The following CADM2 variants were observed in gnomAD, a reference collection of about 807,000 sequenced individuals.
CADM2 encodes the protein immunoglobulin superfamily member 4D.
CADM2 carries 12 observed loss-of-function variants against 49.8 expected under a neutral mutation model. The observed-to-expected ratio is 0.24, with a 90% CI of 0.15 to 0.39. CADM2 has a LOEUF of 0.39. Among genes scored for constraint, CADM2 ranks in the 10% least tolerant of loss-of-function variants. The pLI is 1.00. For synonymous variants in CADM2, 214 were observed against 175.4 expected (o/e 1.22, Z -1.74); for missense variants, 378 against 492.3 (o/e 0.77, Z 2.20).
intron 8 of CADM2, among the ~76,000 whole-genome samples, chr3:86,058,208 A>G (rs1370950362): frequency 6.6e-6 from 1 of 152,198 alleles, no homozygotes; most frequent in East Asian, 1.9e-4. Context: ...AATCTTTCAA[A>G]TAGACACTTA....
intron 8 of CADM2, among the ~76,000 whole-genome samples, chr3:85,962,142 C>T (rs1227165350): frequency 2.6e-5 from 4 of 151,892 alleles, no homozygotes; most frequent in Non-Finnish European, 5.9e-5. Flanking sequence ...TTACCTCGAA[C>T]TCCTGGCTTC....
intron 1 of CADM2, among the ~76,000 whole-genome samples, chr3:85,269,983 G>A (rs560047349): frequency 2.6e-4 from 40 of 151,212 alleles, no homozygotes; most frequent in African/African-American, 8.2e-4. Flanking sequence ...TATATCATGA[G>A]ACACTTAGGT....
chr3:85,524,250 C>A (rs914097034), intron 1 of CADM2, among the ~76,000 whole-genome samples: 1 of 151,908 alleles, frequency 6.6e-6, no homozygotes, highest in African/African-American at 2.4e-5. Flanking sequence ...CTTTATTATT[C>A]TATTTTTTGT....
intron 1 of CADM2, among the ~76,000 whole-genome samples, chr3:85,647,340 T>C (rs1055242609): frequency 2.0e-5 from 3 of 151,706 alleles, no homozygotes; most frequent in African/African-American, 7.2e-5. Flanking sequence ...TAGCTTAAGT[T>C]TTTAATTGTA....
intron 1 of CADM2, among the ~76,000 whole-genome samples, chr3:85,165,360 A>T (rs1316230874): frequency 1.3e-5 from 2 of 151,914 alleles, no homozygotes; most frequent in Non-Finnish European, 2.9e-5. Context: ...GTAATACTTA[A>T]ATTAATGGTC....
chr3:85,732,271 GAAAA>G (rs955439120), intron 2 of CADM2, among the ~76,000 whole-genome samples: 1 of 150,824 alleles, frequency 6.6e-6, no homozygotes, highest in East Asian at 1.9e-4. Context: ...AAAAAAAAAA[GAAAA>G]AAAGTGTAAG....
At chr3:85,705,959 G>C (rs1014549076) in intron 1 of CADM2, among the ~76,000 whole-genome samples, 1 of 152,096 alleles carries the variant, frequency 6.6e-6, no homozygotes, top group African/African-American at 2.4e-5. Context: ...AAATGTGTCT[G>C]TGAAATAGGT....
At chr3:85,977,784 A>C (rs998688915) in intron 8 of CADM2, among the ~76,000 whole-genome samples, 4 of 151,550 alleles carry the variant, frequency 2.6e-5, no homozygotes, top group African/African-American at 7.3e-5. Context: ...AGTTTTAAGA[A>C]GGTTGTTTTC....
intron 1 of CADM2, 127 bp downstream of exon 1, chr3:84,959,795 A>C (rs1411943160): frequency 9.6e-6 from 8 of 837,498 alleles, no homozygotes; most frequent in African/African-American, 3.6e-5. Context: ...CCCTCCCCCT[A>C]CTCTCTGGTG....
intron 1 of CADM2, among the ~76,000 whole-genome samples, chr3:85,377,069 T>TTAA (rs2033634331): frequency 6.6e-6 from 1 of 152,176 alleles, no homozygotes; most frequent in African/African-American, 2.4e-5. Flanking sequence ...CTTATTTTGT[T>TTAA]TCTTTTCTTT....
At chr3:85,326,945 CA>C (rs917877251) in intron 1 of CADM2, among the ~76,000 whole-genome samples, 1 of 149,182 alleles carries the variant, frequency 6.7e-6, no homozygotes, top group Non-Finnish European at 1.5e-5. Flanking sequence ...AAGATTAGAT[CA>C]ATTTTTTTTT....
At chr3:85,291,842 A>G (rs2043806268) in intron 1 of CADM2, among the ~76,000 whole-genome samples, 1 of 149,168 alleles carries the variant, frequency 6.7e-6, no homozygotes, top group Middle Eastern at 3.4e-3. Flanking sequence ...TCATGCCAAA[A>G]TGTAAAGACC....
chr3:85,603,329 TGTTTTGA>T (rs1184985430), intron 1 of CADM2, among the ~76,000 whole-genome samples: 1 of 151,976 alleles, frequency 6.6e-6, no homozygotes, highest in Admixed American at 6.6e-5. Context: ...TGGTAGTTCT[TGTTTTGA>T]GTTACCAGTT....
At chr3:85,530,262 A>G (rs1278168697) in intron 1 of CADM2, among the ~76,000 whole-genome samples, 2 of 150,394 alleles carry the variant, frequency 1.3e-5, no homozygotes, top group African/African-American at 4.9e-5. Context: ...GTAAACTCCC[A>G]GAGGCCTTCG....
chr3:85,558,755 C>G (rs560428517), intron 1 of CADM2, among the ~76,000 whole-genome samples: 25 of 152,104 alleles, frequency 1.6e-4, no homozygotes, highest in African/African-American at 5.3e-4. Context: ...TATGAAGTCC[C>G]ATGCAGGGTA....
chr3:85,946,366 A>G (rs1407657792), intron 7 of CADM2, among the ~76,000 whole-genome samples: 1 of 151,822 alleles, frequency 6.6e-6, no homozygotes, highest in Non-Finnish European at 1.5e-5. Flanking sequence ...AAGGTAATTT[A>G]TAGATTCAAT....
At chr3:85,565,928 C>T (rs2107205632) in intron 1 of CADM2, among the ~76,000 whole-genome samples, 1 of 151,998 alleles carries the variant, frequency 6.6e-6, no homozygotes, top group South Asian at 2.1e-4. Flanking sequence ...TAAGTAAGCA[C>T]TGGATTGTCC....
chr3:86,003,994 G>C (rs1057394641), intron 8 of CADM2, among the ~76,000 whole-genome samples: 1 of 152,058 alleles, frequency 6.6e-6, no homozygotes, highest in Non-Finnish European at 1.5e-5. Flanking sequence ...GGAGCCAATG[G>C]CTCCAAATAA....
chr3:85,063,904 T>G (rs991088589), intron 1 of CADM2, among the ~76,000 whole-genome samples: 10 of 152,064 alleles, frequency 6.6e-5, no homozygotes, highest in African/African-American at 2.2e-4. Context: ...CTCCTGGGTG[T>G]TAGAATTAAT....
Sources: gnomAD v4.1 joint callset for allele counts (sites outside exome capture counted in the v4.1 genomes callset) on GRCh38, gnomAD v4.1.1 for gene constraint, MANE v1.5 for transcripts, NCBI Gene and HGNC (gene_info 2026-07-23, HGNC 2026-07-21) for gene names.